Variants in IL1RAPL2 observed in about 807,000 individuals in gnomAD.
IL1RAPL2 encodes X-linked interleukin-1 receptor accessory protein-like 2.
IL1RAPL2 carries 3 observed loss-of-function variants against 44.1 expected under a neutral mutation model. The ratio of observed to expected loss-of-function variants is 0.07; its 90% CI spans 0.03 to 0.18. IL1RAPL2 has a LOEUF of 0.18. Among genes scored for constraint, IL1RAPL2 ranks in the 10% least tolerant of loss-of-function variants. The pLI is 1.00. For missense variants in IL1RAPL2, 391 were observed against 496.4 expected (o/e 0.79, Z 2.02); for synonymous variants, 181 against 178.8 (o/e 1.01, Z -0.10).
intron 2 of IL1RAPL2, among the ~76,000 whole-genome samples, chrX:105,027,877 C>T (rs2031402967): frequency 1.8e-5 from 2 of 111,822 alleles, no homozygotes; most frequent in Non-Finnish European, 3.8e-5. Context: ...TATCTGCACA[C>T]CTGTGTTTGT....
At chrX:105,741,113 A>T (rs1002831482) in intron 8 of IL1RAPL2, among the ~76,000 whole-genome samples, 26 of 112,086 alleles carry the variant, frequency 2.3e-4, no homozygotes, top group African/African-American at 8.4e-4. Flanking sequence ...TAATAATCCC[A>T]TATAATATGC....
At chrX:104,583,964 A>G (rs1393253204) in intron 1 of IL1RAPL2, among the ~76,000 whole-genome samples, 1 of 111,470 alleles carries the variant, frequency 9.0e-6, no homozygotes, top group Non-Finnish European at 1.9e-5. Context: ...CCACCTGGAT[A>G]TTGTGTCAAG....
chrX:104,739,214 C>A (rs1932063752), intron 2 of IL1RAPL2, among the ~76,000 whole-genome samples: 1 of 111,792 alleles, frequency 8.9e-6, no homozygotes, highest in South Asian at 3.7e-4. Flanking sequence ...AGGTGGTAAG[C>A]CTAGAAACAT....
At chrX:105,495,221 CA>C (rs2036348882) in intron 6 of IL1RAPL2, among the ~76,000 whole-genome samples, 1 of 111,879 alleles carries the variant, frequency 8.9e-6, no homozygotes, top group Non-Finnish European at 1.9e-5. Context: ...TAGAGTGATG[CA>C]AAAGAGGGCA....
chrX:105,597,428 T>C (rs1056409500), intron 6 of IL1RAPL2, among the ~76,000 whole-genome samples: 1 of 111,249 alleles, frequency 9.0e-6, no homozygotes, highest in Non-Finnish European at 1.9e-5. Flanking sequence ...TTCTTCAGAC[T>C]GTACAGGAAG....
chrX:105,060,803 A>C (rs1161406957), intron 2 of IL1RAPL2, among the ~76,000 whole-genome samples: 1 of 108,372 alleles, frequency 9.2e-6, no homozygotes, highest in African/African-American at 3.3e-5. Context: ...GAAATGTCTC[A>C]TTTTCTTCTA....
intron 2 of IL1RAPL2, among the ~76,000 whole-genome samples, chrX:105,150,711 G>A (rs1000418256): frequency 1.8e-5 from 2 of 111,673 alleles, no homozygotes; most frequent in Non-Finnish European, 3.8e-5. Context: ...CACGCAATCT[G>A]TCACGGATCT....
At chrX:105,135,825 C>CT (rs200706777) in intron 2 of IL1RAPL2, among the ~76,000 whole-genome samples, 9,770 of 111,739 alleles carry the variant, frequency 0.087, 1,044 homozygotes, top group African/African-American at 0.3. Context: ...AGACAACTGC[C>CT]TTTGCACACT....
intron 2 of IL1RAPL2, among the ~76,000 whole-genome samples, chrX:105,146,853 C>A (rs951773730): frequency 1.8e-5 from 2 of 111,907 alleles, no homozygotes; most frequent in African/African-American, 6.5e-5. Context: ...TAAATCATTA[C>A]ATAGAAGCTA....
intron 5 of IL1RAPL2, among the ~76,000 whole-genome samples, chrX:105,335,615 T>G (rs1230031853): frequency 9.0e-6 from 1 of 111,442 alleles, no homozygotes. Context: ...TGTGAAGGCA[T>G]AGACACATAC....
intron 2 of IL1RAPL2, among the ~76,000 whole-genome samples, chrX:104,873,052 G>A (rs1312917068): frequency 1.8e-5 from 2 of 111,414 alleles, no homozygotes; most frequent in Non-Finnish European, 3.8e-5. Flanking sequence ...GTGCATATAT[G>A]ATTTTTAATA....
At chrX:104,838,708 C>A (rs999600818) in intron 2 of IL1RAPL2, among the ~76,000 whole-genome samples, 2 of 110,434 alleles carry the variant, frequency 1.8e-5, no homozygotes, top group African/African-American at 6.6e-5. Context: ...ATTCGCATAC[C>A]CTTTATTTCT....
At chrX:104,981,701 T>C (rs1055072976) in intron 2 of IL1RAPL2, among the ~76,000 whole-genome samples, 1 of 111,318 alleles carries the variant, frequency 9.0e-6, no homozygotes, top group Non-Finnish European at 1.9e-5. Flanking sequence ...CAGTAGGATG[T>C]TGGCTGTGGA....
At chrX:104,655,806 C>T (rs935903633) in intron 1 of IL1RAPL2, among the ~76,000 whole-genome samples, 1 of 111,173 alleles carries the variant, frequency 9.0e-6, no homozygotes, top group Non-Finnish European at 1.9e-5. Flanking sequence ...AGGTCCTGGA[C>T]TTTTTTTGGT....
At chrX:104,716,596 T>TA (rs1257971276) in intron 2 of IL1RAPL2, among the ~76,000 whole-genome samples, 1 of 110,144 alleles carries the variant, frequency 9.1e-6, no homozygotes, top group Non-Finnish European at 1.9e-5. Context: ...ACAATCCCGT[T>TA]AAAAAATAGG....
intron 5 of IL1RAPL2, among the ~76,000 whole-genome samples, chrX:105,394,273 A>C (rs2035547145): frequency 8.9e-6 from 1 of 112,110 alleles, no homozygotes; most frequent in Admixed American, 9.5e-5. Context: ...ACTTTGAATT[A>C]CCTGTTTGGG....
At chrX:104,610,796 A>C in intron 1 of IL1RAPL2, among the ~76,000 whole-genome samples, 1 of 111,959 alleles carries the variant, frequency 8.9e-6, no homozygotes, top group East Asian at 2.8e-4. Context: ...TTCATATGGA[A>C]CCAAAAAAGA....
intron 5 of IL1RAPL2, among the ~76,000 whole-genome samples, chrX:105,377,720 G>C (rs769168610): frequency 3.6e-5 from 4 of 111,214 alleles, no homozygotes; most frequent in Non-Finnish European, 5.7e-5. Flanking sequence ...TGAATCATAT[G>C]AGATAGAGTA....
At chrX:105,039,574 A>G (rs945589180) in intron 2 of IL1RAPL2, among the ~76,000 whole-genome samples, 2 of 111,985 alleles carry the variant, frequency 1.8e-5, no homozygotes, top group Non-Finnish European at 3.8e-5. Flanking sequence ...TTCAGAGAAC[A>G]TACAGAAAAA....
Sources: gnomAD v4.1 joint callset for allele counts (sites outside exome capture counted in the v4.1 genomes callset) on GRCh38, gnomAD v4.1.1 for gene constraint, MANE v1.5 for transcripts, NCBI Gene and HGNC (gene_info 2026-07-23, HGNC 2026-07-21) for gene names.